Variants in ERP44 observed in about 807,000 individuals in gnomAD.
The protein encoded by ERP44 is endoplasmic reticulum protein 44, also known as endoplasmic reticulum resident protein 44.
In ERP44, 25 loss-of-function variants were observed where a neutral mutation model predicts 53.4. That is an observed-to-expected ratio of 0.47 (90% CI 0.34 to 0.65). The LOEUF (loss-of-function observed/expected upper bound fraction) is 0.65. Among genes scored for constraint, ERP44 ranks in the 30% least tolerant of loss-of-function variants. The pLI, the probability that ERP44 is intolerant of heterozygous loss-of-function variation, is 0.01. For synonymous variants in ERP44, 145 were observed against 161.2 expected (o/e 0.90, Z 0.76); for missense variants, 338 against 493.2 (o/e 0.69, Z 2.98).
intron 4 of ERP44, among the ~76,000 whole-genome samples, chr9:100,045,563 A>G (rs1401162255): frequency 6.6e-6 from 1 of 152,196 alleles, no homozygotes; most frequent in African/African-American, 2.4e-5. Flanking sequence ...GTAAGCACTC[A>G]ATAAGTAGTA....
chr9:100,067,168 G>GGTCTCC (rs1564101921), intron 1 of ERP44, among the ~76,000 whole-genome samples: 1 of 146,718 alleles, frequency 6.8e-6, no homozygotes, highest in African/African-American at 2.7e-5. Context: ...TCTCCCTCTC[G>GGTCTCC]CTCTCCCTCT....
rs527882723 is a variant in ERP44 at position 100,039,833 on chromosome 9, G to A, written c.286+12584C>T. On this transcript the variant is annotated intron_variant, in intron 4 of 11. Transcript: ENST00000262455. The stretch of plus-strand genomic sequence containing the variant: ...ATAAATAACATCAGAAATGAAAAAG[G>A]AGACATCACAACTGATACCACAGAA... 2.6e-5 allele frequency among the ~76,000 whole-genome samples: 4 copies of A among 152,062 alleles called. No homozygotes were observed. The South Asian group carries it at 8.3e-4, about 32-fold the overall frequency.
Position 100,095,454 on chromosome 9 carries a change from A to T in ERP44, c.57+3330T>A, listed in dbSNP as rs190507255. On this transcript the variant is annotated intron_variant, in intron 1 of 11. Transcript: ENST00000262455. The stretch of plus-strand genomic sequence containing the variant: ...TGAACAATGCTGTTTATTTTTTTTT[A>T]AAAAAAGGGAAACAATCAGGAAAAC... Among the ~76,000 whole-genome samples, 945 of 152,098 alleles carry T rather than the reference A, an allele frequency of 6.2e-3. 19 individuals carry two copies. The highest frequency in any genetic ancestry group is 6.4e-3 in the South Asian group (31 of 4,824).
intron 10 of ERP44, among the ~76,000 whole-genome samples, chr9:99,994,386 GCAAA>G (rs1830287696): frequency 6.6e-6 from 1 of 151,226 alleles, no homozygotes; most frequent in Non-Finnish European, 1.5e-5. Context: ...ATCATTCTGA[GCAAA>G]CTATCCCAAC....
chr9:100,098,045 C>A (rs1336720494), intron 1 of ERP44, among the ~76,000 whole-genome samples: 1 of 152,158 alleles, frequency 6.6e-6, no homozygotes, highest in African/African-American at 2.4e-5. Context: ...TCTGCACACT[C>A]AAGACGTACT....
At position 99,979,701 on chromosome 9, in the gene ERP44, G is replaced by A. The variant is rs1830127071; in HGVS notation, c.*2911C>T. On this transcript the variant is annotated 3_prime_UTR_variant, in exon 12 of 12. Coordinates refer to ENST00000262455, the MANE Select transcript of ERP44 (RefSeq NM_015051.3). The stretch of plus-strand genomic sequence containing the variant: ...GGGACTCAACCGTGTTCTTCAGTCT[G>A]GTCTTGCATCCTCTCTTCCCAGCTG... The A allele has an allele frequency of 1.1e-5, 4 of 365,068 alleles. No homozygotes were observed. Among genetic ancestry groups the A allele is most frequent in the Admixed American group, 9.2e-5 (2 of 21,712 alleles). 22.6% of individuals were successfully genotyped at this position (365,068 alleles called of 1,614,324 possible). A position where few individuals can be genotyped will look rare whatever the true frequency, so the allele number is the denominator to read the frequency against.
At position 99,996,041 on chromosome 9, in the gene ERP44, C is replaced by T. The variant is rs559814686; in HGVS notation, c.1016+10465G>A. On this transcript the variant is annotated intron_variant, in intron 10 of 11. Coordinates refer to ENST00000262455, the MANE Select transcript of ERP44 (RefSeq NM_015051.3). ...TCCCTTTTTTCACACATCCTCACCA[C>T]CGCTTTTGTCTCTTTTATAATAGTC... Among the ~76,000 whole-genome samples, 165 of 151,956 alleles carry T rather than the reference C, an allele frequency of 1.1e-3. 1 individual carries two copies. In the Middle Eastern group the frequency reaches 0.014, roughly 13 times the overall value.
chr9:100,069,579 G>C (rs1366541454), intron 1 of ERP44, among the ~76,000 whole-genome samples: 1 of 152,088 alleles, frequency 6.6e-6, no homozygotes, highest in African/African-American at 2.4e-5. Flanking sequence ...CTGGGTGACA[G>C]AGTGAGACTC....
At chr9:100,067,929 T>C (rs1587979835) in intron 1 of ERP44, among the ~76,000 whole-genome samples, 2 of 147,868 alleles carry the variant, frequency 1.4e-5, no homozygotes, top group South Asian at 2.2e-4. Context: ...AACCACCCCG[T>C]CTGGGAAGTG....
chr9:99,993,598 A>G (rs1030288111), intron 10 of ERP44, among the ~76,000 whole-genome samples: 5 of 152,230 alleles, frequency 3.3e-5, no homozygotes, highest in African/African-American at 1.2e-4. Context: ...GGACATAGGC[A>G]TGGGCAAGGA....
chr9:100,087,476 A>T (rs1344515445), intron 1 of ERP44, among the ~76,000 whole-genome samples: 1 of 152,222 alleles, frequency 6.6e-6, no homozygotes, highest in African/African-American at 2.4e-5. Flanking sequence ...TCATTCACTC[A>T]GTCCCTCATC....
intron 1 of ERP44, among the ~76,000 whole-genome samples, chr9:100,072,559 G>A (rs999167130): frequency 1.3e-5 from 2 of 152,074 alleles, no homozygotes; most frequent in African/African-American, 4.8e-5. Context: ...TTTTGCTCTT[G>A]TTGTCCAAGC....
intron 4 of ERP44, among the ~76,000 whole-genome samples, chr9:100,043,109 A>G (rs1345441083): frequency 6.6e-6 from 1 of 151,476 alleles, no homozygotes; most frequent in African/African-American, 2.4e-5. Flanking sequence ...AATACAAAAA[A>G]TTAGCCAGGC....
At chr9:100,013,812 C>G (rs796864421) in intron 8 of ERP44, among the ~76,000 whole-genome samples, 2 of 152,260 alleles carry the variant, frequency 1.3e-5, no homozygotes, top group African/African-American at 4.8e-5. Context: ...CAGTAGAAAT[C>G]TGTGCATATA....
At chr9:99,997,383 T>C (rs1007392611) in intron 10 of ERP44, among the ~76,000 whole-genome samples, 4 of 141,176 alleles carry the variant, frequency 2.8e-5, no homozygotes, top group African/African-American at 5.5e-5. Context: ...ATTTCCCTGA[T>C]GATCATTAGT....
rs184971201 is a variant in ERP44, at chr9:99,981,344, G to A, written c.*1268C>T. 9 of 152,670 alleles carry A rather than the reference G, an allele frequency of 5.9e-5. No individual in the cohort carries two copies. The East Asian group carries it at 1.2e-3, about 20-fold the overall frequency. The allele number at this position is 152,670 out of a possible 1,614,324, so 9.5% of individuals were successfully genotyped here. A position where few individuals can be genotyped will look rare whatever the true frequency, so the allele number is the denominator to read the frequency against. On this transcript the variant is annotated 3_prime_UTR_variant, in exon 12 of 12. Coordinates refer to ENST00000262455, the MANE Select transcript of ERP44 (RefSeq NM_015051.3). ...TATAAATATTAATTTTATTTTAAAA[G>A]AATTGGAAGATGTTACATATATTAC...
intron 10 of ERP44, among the ~76,000 whole-genome samples, chr9:99,991,358 A>C (rs1830252612): frequency 6.6e-6 from 1 of 152,238 alleles, no homozygotes; most frequent in Non-Finnish European, 1.5e-5. Context: ...CAGGATTAAG[A>C]AATTCACTCA....
intron 7 of ERP44, among the ~76,000 whole-genome samples, chr9:100,017,754 T>C (rs1485420587): frequency 6.6e-6 from 1 of 152,230 alleles, no homozygotes; most frequent in Non-Finnish European, 1.5e-5. Flanking sequence ...CTCTTAGTTA[T>C]GGCTACCATC....
At chr9:100,097,299 TA>T (rs1357139764) in intron 1 of ERP44, among the ~76,000 whole-genome samples, 1 of 152,210 alleles carries the variant, frequency 6.6e-6, no homozygotes, top group Non-Finnish European at 1.5e-5. Flanking sequence ...GCATCTGATA[TA>T]GTTTGCCTGT....
Sources: gnomAD v4.1 joint callset for allele counts (sites outside exome capture counted in the v4.1 genomes callset) on GRCh38, gnomAD v4.1.1 for gene constraint, MANE v1.5 for transcripts, NCBI Gene and HGNC (gene_info 2026-07-23, HGNC 2026-07-21) for gene names.